CYP3A4: variants seen among roughly 807,000 people sequenced by gnomAD.
CYP3A4 encodes the protein cytochrome P450 3A4.
Under a neutral mutation model 54.9 loss-of-function variants are expected in CYP3A4, and 41 were observed. That is an observed-to-expected ratio of 0.75 (90% CI 0.58 to 0.97). The LOEUF is 0.97. CYP3A4 is among the 50% of genes least tolerant of loss of function. The pLI is 0.00. For synonymous variants in CYP3A4, 179 were observed against 205.2 expected, an observed-to-expected ratio of 0.87 and a Z score of 1.09; for missense variants, 510 against 597.3, an observed-to-expected ratio of 0.85 and a Z score of 1.52.
rs28988574 is a variant in CYP3A4, at chr7:99,782,398, A to G, written c.71+1613T>C. ...AACAGAAAAGCCAGTCATCTATTGCACTTAATTGTGTTGGCCTAAGGAGGG... is the reference window on the plus strand; with the variant it reads ...AACAGAAAAGCCAGTCATCTATTGCGCTTAATTGTGTTGGCCTAAGGAGGG... On this transcript the variant is annotated intron_variant, in intron 1 of 12. Transcript: ENST00000651514. Among the ~76,000 whole-genome samples the G allele has an allele frequency of 1.0e-2, 1,519 of 152,214 alleles. 12 individuals are homozygous for G. Among genetic ancestry groups the G allele is most frequent in the Non-Finnish European group, 0.014 (979 of 68,012 alleles).
intron 9 of CYP3A4, 150 bp downstream of exon 9, chr7:99,766,227 G>A (rs1815472956): frequency 2.2e-6 from 2 of 892,824 alleles, no homozygotes; most frequent in Non-Finnish European, 3.4e-6. Flanking sequence ...TCTAGAAAGT[G>A]CCTCCAACTA....
chr7:99,771,050 C>T (rs1815622412), intron 4 of CYP3A4, among the ~76,000 whole-genome samples: 1 of 152,130 alleles, frequency 6.6e-6, no homozygotes, highest in Admixed American at 6.5e-5. Flanking sequence ...TGAAGGCTTC[C>T]CTCCTAAGAT....
chr7:99,778,151 A>G (rs1815822336), intron 2 of CYP3A4, 71 bp from the exon 3 acceptor site: 7 of 1,255,698 alleles, frequency 5.6e-6, no homozygotes, highest in South Asian at 5.2e-5. Flanking sequence ...AATTGGGATG[A>G]AAACAGTCGA....
At chr7:99,782,407 T>C (rs1815950914) in intron 1 of CYP3A4, among the ~76,000 whole-genome samples, 1 of 152,168 alleles carries the variant, frequency 6.6e-6, no homozygotes, top group Non-Finnish European at 1.5e-5. Context: ...CACTTAATTG[T>C]GTTGGCCTAA....
chr7:99,771,515 C>G (rs2151561222), intron 4 of CYP3A4, among the ~76,000 whole-genome samples: 1 of 152,202 alleles, frequency 6.6e-6, no homozygotes, highest in Non-Finnish European at 1.5e-5. Context: ...AAAGATCAAA[C>G]AGTAAAGATA....
chr7:99,771,611 T>C (rs768634345), intron 4 of CYP3A4, among the ~76,000 whole-genome samples: 5 of 152,188 alleles, frequency 3.3e-5, no homozygotes, highest in Non-Finnish European at 5.9e-5. Flanking sequence ...GAGAAACTCA[T>C]TCTGAATTTT....
Position 99,770,130 on chromosome 7 carries a change from G to A in CYP3A4, c.424C>T (p.Leu142Phe). ...TCATGTTATTTTCATACCTCCTTGAGTTTTCCACTGGTGAAGGTTGGAGAC... is the reference window on the plus strand; with the variant it reads ...TCATGTTATTTTCATACCTCCTTGAATTTTCCACTGGTGAAGGTTGGAGAC... ...LLSPTFTSGK[L>F]KEMVPIIAQY... is the part of the protein sequence containing the mutation. Residue 142 changes from leucine to phenylalanine, a missense_variant, in exon 5 of 13, where the codon CTC becomes TTC. Physicochemically the swap from Leu to Phe is conservative, Grantham distance 22 (BLOSUM62 0). This residue lies in a region of CYP3A4 where 272 missense variants were observed against 274.9 expected (regional missense o/e 0.99). Coordinates refer to ENST00000651514, the MANE Select transcript of CYP3A4 (RefSeq NM_017460.6). 2 of 1,611,948 alleles carry A rather than the reference G, an allele frequency of 1.2e-6. No individual in the cohort carries two copies. The highest frequency in any genetic ancestry group is 3.3e-4 in the Middle Eastern group (2 of 6,048).
chr7:99,779,555 GA>G (rs1459397679), intron 2 of CYP3A4, among the ~76,000 whole-genome samples: 3 of 152,012 alleles, frequency 2.0e-5, no homozygotes, highest in Non-Finnish European at 4.4e-5. Context: ...AGAAGGAAGG[GA>G]AAAAAGGCTA....
chr7:99,767,776 A>G (rs2738260), intron 7 of CYP3A4, among the ~76,000 whole-genome samples: 1 of 152,328 alleles, frequency 6.6e-6, no homozygotes, highest in African/African-American at 2.4e-5. Flanking sequence ...AGTAGAAACC[A>G]AAAGGGCAAA....
intron 10 of CYP3A4, 78 bp downstream of exon 10, chr7:99,763,777 T>C: frequency 6.5e-7 from 1 of 1,533,746 alleles, no homozygotes; most frequent in African/African-American, 1.4e-5. Context: ...TTTATAAAAA[T>C]TCTCCTGGGA....
At position 99,769,769 on chromosome 7, in the gene CYP3A4, C is replaced by G. The variant is rs4986908; in HGVS notation, c.520G>C (p.Asp174His). The change falls in exon 6 of 13, where the codon GAC becomes CAC. Residue 174 changes from aspartate to histidine, a missense_variant and splice_region_variant. Physicochemically the swap from Asp to His is moderately conservative, Grantham distance 81 (BLOSUM62 -1). Around this residue, in one of 2 missense-constraint regions of CYP3A4, gnomAD observed 272 missense variants for 274.9 expected, o/e 0.99. Coordinates refer to ENST00000651514, the MANE Select transcript of CYP3A4 (RefSeq NM_017460.6). Reference protein sequence around the residue: ...AETGKPVTLKDVFGAYSMDVI... With the variant: ...AETGKPVTLKHVFGAYSMDVI... ...CCCCATGGCTGCGCTTCTACTTACT[C>G]TTTCAAGGTGACAGGCTTGCCTGTC... is the stretch of plus-strand genomic sequence containing the variant. 6,179 of 1,613,948 alleles carry G rather than the reference C, an allele frequency of 3.8e-3. 27 individuals carry two copies. The highest frequency in any genetic ancestry group is 4.8e-3 in the Non-Finnish European group (5,644 of 1,179,856).
At chr7:99,779,957 A>G (rs764161631) in intron 2 of CYP3A4, 35 bp downstream of exon 2, 1 of 1,584,902 alleles carries the variant, frequency 6.3e-7, no homozygotes, top group Non-Finnish European at 8.7e-7. Context: ...CTTGGCAATC[A>G]TAAGAAGCAA....
At chr7:99,765,439 G>T (rs1272178969) in intron 9 of CYP3A4, among the ~76,000 whole-genome samples, 1 of 152,102 alleles carries the variant, frequency 6.6e-6, no homozygotes, top group Non-Finnish European at 1.5e-5. Flanking sequence ...ATAGATGATA[G>T]ATGGATAAAT....
chr7:99,769,353 G>T (rs1010752867), intron 6 of CYP3A4, among the ~76,000 whole-genome samples: 6 of 152,032 alleles, frequency 3.9e-5, no homozygotes, highest in African/African-American at 1.4e-4. Context: ...AACATGAAAT[G>T]ATCAAAGTTA....
At chr7:99,771,707 T>G (rs911116690) in intron 4 of CYP3A4, among the ~76,000 whole-genome samples, 1 of 152,060 alleles carries the variant, frequency 6.6e-6, no homozygotes, top group African/African-American at 2.4e-5. Flanking sequence ...CTACACGAGG[T>G]TAAGAGTTAG....
At chr7:99,769,714 G>A (rs1402616031) in intron 6 of CYP3A4, 54 bp downstream of exon 6, 19 of 1,603,270 alleles carry the variant, frequency 1.2e-5, no homozygotes, top group Non-Finnish European at 1.4e-5. Flanking sequence ...TCCATGGCAG[G>A]CAGCTGGAGG....
At chr7:99,779,222 T>C (rs1468255452) in intron 2 of CYP3A4, among the ~76,000 whole-genome samples, 3 of 151,360 alleles carry the variant, frequency 2.0e-5, no homozygotes, top group African/African-American at 7.2e-5. Flanking sequence ...TGATTCCGCC[T>C]TTGTGTAAAA....
rs1415491901 is a variant in CYP3A4, at chr7:99,767,154, T to C, written c.775A>G (p.Ser259Gly). Residue 259 changes from serine to glycine, a missense_variant, in exon 8 of 13, where the codon AGT becomes GGT. By Grantham distance (56) the Ser-to-Gly change is moderately conservative. Around this residue, in one of 2 missense-constraint regions of CYP3A4, gnomAD observed 238 missense variants for 322.5 expected, o/e 0.74. Transcript: ENST00000651514. ...ACCTTTTGTGTATCTTCGAGGCGAC[T>C]TTCTTTCATCCTTTTTACAGATTTT... Reference protein sequence around the residue: ...LRKSVKRMKESRLEDTQKHRV... With the variant: ...LRKSVKRMKEGRLEDTQKHRV... 6.2e-7 allele frequency: 1 copy of C among 1,611,480 alleles called. No individual in the cohort carries two copies. The highest frequency in any genetic ancestry group is 8.5e-7 in the Non-Finnish European group (1 of 1,178,938).
intron 8 of CYP3A4, 66 bp from the exon 9 acceptor site, chr7:99,766,509 C>T (rs1160011595): frequency 2.3e-5 from 36 of 1,599,122 alleles, no homozygotes; most frequent in South Asian, 1.2e-4. Flanking sequence ...AAATCACAAG[C>T]GTGGTCCTTG....
Sources: allele counts gnomAD v4.1 joint callset (sites outside exome capture counted in the v4.1 genomes callset), GRCh38; gene constraint gnomAD v4.1.1; regional missense constraint gnomAD v4.1.1; transcripts MANE v1.5; gene names NCBI Gene and HGNC (gene_info 2026-07-23, HGNC 2026-07-21).